FAM229B: variants seen among roughly 807,000 people sequenced by gnomAD.
The protein encoded by FAM229B is family with sequence similarity 229 member B, also known as protein FAM229B.
FAM229B carries 2 observed loss-of-function variants against 6.7 expected under a neutral mutation model. The observed-to-expected ratio is 0.30, with a 90% CI of 0.12 to 0.94. The LOEUF is 0.94. Ranked by LOEUF, FAM229B falls within the 40% of genes least tolerant of loss-of-function variation. The pLI, the probability that FAM229B is intolerant of heterozygous loss-of-function variation, is 0.54. For missense variants in FAM229B, 93 were observed against 96.2 expected, an observed-to-expected ratio of 0.97 and a Z score of 0.14; for synonymous variants, 29 against 34.0, an observed-to-expected ratio of 0.85 and a Z score of 0.51.
intron 1 of FAM229B, among the ~76,000 whole-genome samples, chr6:112,089,745 C>T (rs1344371576): frequency 6.6e-6 from 1 of 151,820 alleles, no homozygotes; most frequent in Non-Finnish European, 1.5e-5. Context: ...AATAACAATA[C>T]TAGGCAAAAC....
chr6:112,095,444 C>A (rs1777308603), intron 1 of FAM229B, among the ~76,000 whole-genome samples: 1 of 151,734 alleles, frequency 6.6e-6, no homozygotes, highest in Non-Finnish European at 1.5e-5. Flanking sequence ...CTAGCCTGAG[C>A]AGCATGGTAA....
Position 112,099,378 on chromosome 6 carries a change from C to T in FAM229B, c.95C>T (p.Ala32Val), listed in dbSNP as rs1262639539. 6.2e-7 allele frequency: 1 copy of T among 1,613,596 alleles called. No individual in the cohort carries two copies. The highest frequency in any genetic ancestry group is 1.3e-5 in the African/African-American group (1 of 74,866). ...ELEPGLSSSA[A>V]CNGKEMSPTR... is the part of the protein sequence containing the mutation. ...GAACCTGGGCTGAGCTCCAGTGCTGCCTGTAATGGGAAGGAGATGTCACCA... is the reference window on the plus strand; with the variant it reads ...GAACCTGGGCTGAGCTCCAGTGCTGTCTGTAATGGGAAGGAGATGTCACCA... The change falls in exon 3 of 4, where the codon GCC becomes GTC. Residue 32 changes from alanine to valine, a missense_variant. Transcript: ENST00000368656.
intron 3 of FAM229B, among the ~76,000 whole-genome samples, chr6:112,100,102 C>T (rs34254070): frequency 0.25 from 37,839 of 151,984 alleles, 4,722 homozygotes; most frequent in East Asian, 0.32. Flanking sequence ...AGTGAGCTCC[C>T]GATCTTTAGA....
intron 1 of FAM229B, among the ~76,000 whole-genome samples, chr6:112,096,413 G>A (rs891509664): frequency 3.3e-5 from 5 of 152,084 alleles, no homozygotes; most frequent in Admixed American, 2.0e-4. Context: ...AAAATTAGCC[G>A]GGTGTGGTGG....
chr6:112,096,112 A>G (rs989460042), intron 1 of FAM229B, among the ~76,000 whole-genome samples: 2 of 152,222 alleles, frequency 1.3e-5, no homozygotes, highest in Admixed American at 1.3e-4. Context: ...TAAGGGTTAA[A>G]CTAAACATTA....
intron 1 of FAM229B, among the ~76,000 whole-genome samples, chr6:112,089,662 A>C (rs1360988138): frequency 6.6e-6 from 1 of 152,204 alleles, no homozygotes; most frequent in Non-Finnish European, 1.5e-5. Flanking sequence ...TAAAGAAATA[A>C]TTTTTAAAAG....
chr6:112,089,744 A>G (rs1554317997), intron 1 of FAM229B, among the ~76,000 whole-genome samples: 1 of 152,182 alleles, frequency 6.6e-6, no homozygotes, highest in Non-Finnish European at 1.5e-5. Context: ...TAATAACAAT[A>G]CTAGGCAAAA....
intron 1 of FAM229B, among the ~76,000 whole-genome samples, chr6:112,095,289 A>G (rs587675701): frequency 1.9e-4 from 29 of 152,284 alleles, no homozygotes; most frequent in South Asian, 8.3e-4. Flanking sequence ...CATTTTACAG[A>G]CAAACTTTTA....
intron 1 of FAM229B, among the ~76,000 whole-genome samples, chr6:112,093,333 A>C (rs1777281685): frequency 6.6e-6 from 1 of 152,080 alleles, no homozygotes; most frequent in African/African-American, 2.4e-5. Flanking sequence ...ATATAACAAT[A>C]CTAAATATTT....
At chr6:112,100,627 T>G (rs781804580) in intron 3 of FAM229B, 43 bp from the exon 4 acceptor site, 2 of 1,342,002 alleles carry the variant, frequency 1.5e-6, no homozygotes, top group South Asian at 2.4e-5. Flanking sequence ...AAATATTTCC[T>G]CTTTTTAGTA....
chr6:112,088,801 G>T (rs1777215644), intron 1 of FAM229B, among the ~76,000 whole-genome samples: 1 of 152,226 alleles, frequency 6.6e-6, no homozygotes, highest in Non-Finnish European at 1.5e-5. Flanking sequence ...GGTCCAGTTT[G>T]TAGGCAGTGA....
At chr6:112,095,627 C>T (rs1777310889) in intron 1 of FAM229B, among the ~76,000 whole-genome samples, 2 of 108,818 alleles carry the variant, frequency 1.8e-5, no homozygotes, top group Non-Finnish European at 3.5e-5. Flanking sequence ...CAGAGCAAGA[C>T]CCTGTCTCAA....
intron 2 of FAM229B, among the ~76,000 whole-genome samples, chr6:112,097,943 C>G (rs971002670): frequency 2.7e-4 from 41 of 152,328 alleles, no homozygotes; most frequent in Non-Finnish European, 3.2e-4. Context: ...TTTTGCCTCT[C>G]TCTCCCACCA....
chr6:112,096,871 C>T (rs1321147973), intron 1 of FAM229B, among the ~76,000 whole-genome samples, 170 bp from the exon 2 acceptor site: 3 of 152,146 alleles, frequency 2.0e-5, no homozygotes, highest in East Asian at 1.9e-4. Flanking sequence ...TTCTGATTTA[C>T]TACAGGTGGA....
intron 1 of FAM229B, among the ~76,000 whole-genome samples, chr6:112,090,791 C>T (rs1264218392): frequency 2.6e-5 from 4 of 152,072 alleles, no homozygotes; most frequent in Non-Finnish European, 5.9e-5. Flanking sequence ...TAAATATTTA[C>T]ATTGTGGAAT....
intron 2 of FAM229B, among the ~76,000 whole-genome samples, chr6:112,097,641 G>A (rs1184195661): frequency 6.7e-6 from 1 of 148,950 alleles, no homozygotes; most frequent in Non-Finnish European, 1.5e-5. Flanking sequence ...TGAATACATT[G>A]TGTACTAATA....
At chr6:112,094,623 G>A (rs1777299018) in intron 1 of FAM229B, among the ~76,000 whole-genome samples, 1 of 152,148 alleles carries the variant, frequency 6.6e-6, no homozygotes, top group South Asian at 2.1e-4. Flanking sequence ...AACAGGAACT[G>A]TGTTTGTTTT....
chr6:112,091,226 A>G (rs1777253006), intron 1 of FAM229B, among the ~76,000 whole-genome samples: 1 of 152,132 alleles, frequency 6.6e-6, no homozygotes, highest in Non-Finnish European at 1.5e-5. Context: ...GTGTATATAT[A>G]CCACATTTTC....
At chr6:112,097,249 A>G (rs1473036995) in intron 2 of FAM229B, 48 bp downstream of exon 2, 1 of 152,236 alleles carries the variant, frequency 6.6e-6, no homozygotes, top group South Asian at 2.1e-4. Flanking sequence ...TAATACCTGC[A>G]TAGATAGGTA....
Sources: gnomAD v4.1 joint callset for allele counts (sites outside exome capture counted in the v4.1 genomes callset) on GRCh38, gnomAD v4.1.1 for gene constraint, MANE v1.5 for transcripts, NCBI Gene and HGNC (gene_info 2026-07-23, HGNC 2026-07-21) for gene names.